The following ZFHX3 variants were observed in gnomAD, a reference collection of about 807,000 sequenced individuals.
ZFHX3 encodes the protein zinc finger homeobox 3.
ZFHX3 carries 42 observed loss-of-function variants against 279.1 expected under a neutral mutation model. The observed-to-expected ratio is 0.15, with a 90% confidence interval of 0.12 to 0.19. ZFHX3 has a LOEUF of 0.19. ZFHX3 is among the 10% of genes least tolerant of loss of function. The pLI is 1.00. For missense variants in ZFHX3, 4,981 were observed against 4,754.0 expected (o/e 1.05, Z -1.40); for synonymous variants, 2,293 against 1,957.8 (o/e 1.17, Z -4.52).
intron 1 of ZFHX3, among the ~76,000 whole-genome samples, chr16:73,726,785 A>G (rs1243919243): frequency 6.6e-6 from 1 of 152,192 alleles, no homozygotes; most frequent in Non-Finnish European, 1.5e-5. Flanking sequence ...CACTCAAGCC[A>G]TGAGGGACCC....
intron 5 of ZFHX3, among the ~76,000 whole-genome samples, chr16:73,230,813 G>A (rs1205050895): frequency 6.6e-6 from 1 of 152,150 alleles, no homozygotes; most frequent in African/African-American, 2.4e-5. Flanking sequence ...TCAGAAGCCA[G>A]AAAAGGAATA....
intron 3 of ZFHX3, among the ~76,000 whole-genome samples, chr16:73,406,344 T>C (rs1372288261): frequency 6.6e-6 from 1 of 152,224 alleles, no homozygotes; most frequent in African/African-American, 2.4e-5. Context: ...TTGGAGCTTC[T>C]ACAGCCCCAG....
intron 1 of ZFHX3, among the ~76,000 whole-genome samples, chr16:73,007,642 T>G (rs1963759308): frequency 6.6e-6 from 1 of 152,100 alleles, no homozygotes; most frequent in African/African-American, 2.4e-5. Context: ...GAGACTGGGT[T>G]TCACTATGTT....
intron 3 of ZFHX3, among the ~76,000 whole-genome samples, chr16:73,333,805 C>CAAAA (rs36006944): frequency 1.9e-5 from 1 of 53,848 alleles, no homozygotes; most frequent in Non-Finnish European, 3.4e-5. Flanking sequence ...CCCAAGAGAC[C>CAAAA]AAAAAAAAAA....
At chr16:73,292,367 A>C (rs552750103) in intron 4 of ZFHX3, among the ~76,000 whole-genome samples, 1 of 152,260 alleles carries the variant, frequency 6.6e-6, no homozygotes, top group South Asian at 2.1e-4. Flanking sequence ...AGGAGTTCTG[A>C]CATTCCCTAC....
intron 4 of ZFHX3, among the ~76,000 whole-genome samples, chr16:73,300,970 G>C (rs1039733371): frequency 3.3e-5 from 5 of 152,232 alleles, no homozygotes; most frequent in Non-Finnish European, 7.3e-5. Flanking sequence ...GCTGTGGGCT[G>C]TGTCAGATGG....
chr16:73,690,248 A>G lies in ZFHX3; in HGVS notation c.-1607-10008T>C, dbSNP rs76684385. Among the ~76,000 whole-genome samples, 1,304 of 152,244 alleles carry G rather than the reference A, an allele frequency of 8.6e-3. 15 individuals are homozygous for G. The highest frequency in any genetic ancestry group is 0.03 in the African/African-American group (1,241 of 41,554). ...ACAAGGTTTTACATCCATCCCAAGAATCCCAAACTAGATTTGCAGACTCAG... is the reference window on the plus strand; with the variant it reads ...ACAAGGTTTTACATCCATCCCAAGAGTCCCAAACTAGATTTGCAGACTCAG... On this transcript the variant is annotated intron_variant, in intron 1 of 17. Coordinates refer to the ZFHX3 transcript ENST00000641206.
chr16:73,131,509 C>G (rs1006066606), intron 6 of ZFHX3, among the ~76,000 whole-genome samples: 1 of 152,160 alleles, frequency 6.6e-6, no homozygotes, highest in Non-Finnish European at 1.5e-5. Context: ...CTAAGTCAGA[C>G]AGGGTACTTT....
chr16:73,719,732 C>G (rs986142228), intron 1 of ZFHX3, among the ~76,000 whole-genome samples: 18 of 152,070 alleles, frequency 1.2e-4, no homozygotes, highest in African/African-American at 4.3e-4. Context: ...CTCCGGGGTT[C>G]AAGCGATTCT....
At chr16:73,453,359 T>A (rs1393183326) in intron 3 of ZFHX3, among the ~76,000 whole-genome samples, 2 of 152,116 alleles carry the variant, frequency 1.3e-5, no homozygotes, top group Admixed American at 1.3e-4. Context: ...CTGTGCCAGT[T>A]TGGGCCCTGC....
chr16:73,626,831 T>A (rs2052421703), intron 2 of ZFHX3, among the ~76,000 whole-genome samples: 1 of 152,202 alleles, frequency 6.6e-6, no homozygotes, highest in Admixed American at 6.5e-5. Flanking sequence ...TTGCTTTGCT[T>A]TGCTTTCTAG....
Position 73,239,272 on chromosome 16 carries a change from A to G in ZFHX3, c.-1104+17775T>C, listed in dbSNP as rs561931706. ...TTCCTATTGGGCAATTCTCACCTACATCACTTTTTTGACTTCTTTCAGGCG... is the reference window on the plus strand; with the variant it reads ...TTCCTATTGGGCAATTCTCACCTACGTCACTTTTTTGACTTCTTTCAGGCG... On this transcript the variant is annotated intron_variant, in intron 5 of 17. Coordinates refer to the ZFHX3 transcript ENST00000641206. 7.2e-5 allele frequency among the ~76,000 whole-genome samples: 11 copies of G among 152,300 alleles called. 1 individual carries two copies. In the South Asian group the frequency reaches 2.1e-3, roughly 29 times the overall value.
chr16:73,841,331 C>T (rs748607972), intron 1 of ZFHX3, among the ~76,000 whole-genome samples: 11 of 145,478 alleles, frequency 7.6e-5, no homozygotes, highest in Non-Finnish European at 1.7e-4. Flanking sequence ...ACCAGATGAG[C>T]TGGGGGTGGG....
chr16:73,867,745 A>T (rs896882172), intron 1 of ZFHX3, among the ~76,000 whole-genome samples: 1 of 152,174 alleles, frequency 6.6e-6, no homozygotes, highest in African/African-American at 2.4e-5. Flanking sequence ...ATATCTGTAG[A>T]TAATTGTATC....
At chr16:73,256,041 G>A (rs1012796924) in intron 5 of ZFHX3, among the ~76,000 whole-genome samples, 7 of 152,128 alleles carry the variant, frequency 4.6e-5, no homozygotes, top group Non-Finnish European at 7.3e-5. Context: ...AAATAGCGAC[G>A]GCAAAGCTCA....
intron 5 of ZFHX3, among the ~76,000 whole-genome samples, chr16:73,254,908 C>CCATCCACCCACCCACCATT (rs2013620185): frequency 6.7e-6 from 1 of 148,324 alleles, no homozygotes; most frequent in African/African-American, 2.6e-5. Flanking sequence ...ATCCATCCAT[C>CCATCCACCCACCCACCATT]CATCCATCCA....
chr16:73,036,812 G>A (rs1443781769), intron 1 of ZFHX3, among the ~76,000 whole-genome samples: 1 of 152,058 alleles, frequency 6.6e-6, no homozygotes, highest in Non-Finnish European at 1.5e-5. Context: ...TGTCTTTGAG[G>A]ATTTAAAATG....
At chr16:73,454,824 T>C (rs1187182722) in intron 3 of ZFHX3, among the ~76,000 whole-genome samples, 1 of 151,990 alleles carries the variant, frequency 6.6e-6, no homozygotes, top group East Asian at 1.9e-4. Flanking sequence ...TCTTCTATAA[T>C]GTTATGCAAA....
chr16:73,511,401 A>G (rs1303614838), intron 2 of ZFHX3, among the ~76,000 whole-genome samples: 1 of 152,176 alleles, frequency 6.6e-6, no homozygotes, highest in Non-Finnish European at 1.5e-5. Flanking sequence ...AGGCATGGTG[A>G]AAATCCTGAC....
Sources: gnomAD v4.1 joint callset for allele counts (sites outside exome capture counted in the v4.1 genomes callset) on GRCh38, gnomAD v4.1.1 for gene constraint, MANE v1.5 for transcripts, NCBI Gene and HGNC (gene_info 2026-07-23, HGNC 2026-07-21) for gene names.